CENPE: variants seen among roughly 807,000 people sequenced by gnomAD.
The protein encoded by CENPE is centromere protein E, also known as centromere-associated protein E.
CENPE carries 145 observed loss-of-function variants against 336.1 expected under a neutral mutation model. The ratio of observed to expected loss-of-function variants is 0.43; its 90% CI spans 0.38 to 0.50. CENPE has a LOEUF of 0.50. Among genes scored for constraint, CENPE ranks in the 20% least tolerant of loss-of-function variants. The pLI, the probability that CENPE is intolerant of heterozygous loss-of-function variation, is 0.00. For synonymous variants in CENPE, 1,013 were observed against 984.8 expected (o/e 1.03, Z -0.54); for missense variants, 2,719 against 3,023.3 (o/e 0.90, Z 2.36).
At chr4:103,197,629 G>C (rs1337439435) in intron 1 of CENPE, among the ~76,000 whole-genome samples, 2 of 152,234 alleles carry the variant, frequency 1.3e-5, no homozygotes, top group Non-Finnish European at 2.9e-5. Flanking sequence ...CCAGAAGCTA[G>C]TGAAGCAAAC....
At position 103,133,579 on chromosome 4, in the gene CENPE, T is replaced by C. The variant is rs551906903; in HGVS notation, c.6720+116A>G. On this transcript the variant is annotated intron_variant, in intron 41 of 48. Coordinates refer to ENST00000265148, the MANE Select transcript of CENPE (RefSeq NM_001813.3). Reference sequence around the variant, plus strand: ...CTTTATGTCTGGCCAGGTATCACTCTGCAACGTATTTTTAATTTCTGGTAA... The same window carrying C: ...CTTTATGTCTGGCCAGGTATCACTCCGCAACGTATTTTTAATTTCTGGTAA... 1,548 of 728,024 alleles carry C rather than the reference T, an allele frequency of 2.1e-3. 6 individuals carry two copies. Among genetic ancestry groups the C allele is most frequent in the Non-Finnish European group, 3.0e-3 (1,324 of 437,920 alleles). 45.1% of individuals were successfully genotyped at this position (728,024 alleles called of 1,614,324 possible).
chr4:103,188,830 T>G (rs888930666), intron 8 of CENPE, among the ~76,000 whole-genome samples: 16 of 152,056 alleles, frequency 1.1e-4, no homozygotes, highest in African/African-American at 3.9e-4. Context: ...CAAAAAACCC[T>G]TCAAAAAATC....
At chr4:103,184,727 T>A (rs114171695) in intron 9 of CENPE, among the ~76,000 whole-genome samples, 1,776 of 152,290 alleles carry the variant, frequency 0.012, 36 homozygotes, top group African/African-American at 0.041. Flanking sequence ...GGCATTATAA[T>A]ATGTTTTACT....
At chr4:103,159,569 T>C (rs1256161131) in intron 21 of CENPE, among the ~76,000 whole-genome samples, 5 of 151,858 alleles carry the variant, frequency 3.3e-5, no homozygotes, top group African/African-American at 9.7e-5. Context: ...GCATGGAAAA[T>C]AGTAAAGGCA....
At chr4:103,191,054 C>T (rs1757271719) in intron 8 of CENPE, among the ~76,000 whole-genome samples, 1 of 152,116 alleles carries the variant, frequency 6.6e-6, no homozygotes, top group Non-Finnish European at 1.5e-5. Context: ...AAATGCTCAT[C>T]ATCACTGGCC....
chr4:103,145,380 A>AAC (rs146614886), intron 31 of CENPE, 46 bp from the exon 32 acceptor site: 185 of 1,348,810 alleles, frequency 1.4e-4, no homozygotes, highest in African/African-American at 1.6e-4. Flanking sequence ...AAAATATGTA[A>AAC]ACACACACAC....
At position 103,114,052 on chromosome 4, in the gene CENPE, GT is replaced by G. The variant is rs1276413169; in HGVS notation, c.7540+402del. Among the ~76,000 whole-genome samples the G allele has an allele frequency of 3.9e-5, 6 of 152,110 alleles. No individual in the cohort carries two copies. In the East Asian group the frequency reaches 1.2e-3, roughly 29 times the overall value. The stretch of plus-strand genomic sequence containing the variant: ...TTTAGTTTCAAGAACAAACAGAATA[GT>G]ATTTATTTTTACTGTACACCAATTA... On this transcript the variant is annotated intron_variant, in intron 46 of 48. Transcript: ENST00000265148.
At chr4:103,181,210 A>C (rs1414098216) in intron 12 of CENPE, 127 bp downstream of exon 12, 5 of 540,952 alleles carry the variant, frequency 9.2e-6, no homozygotes, top group Non-Finnish European at 1.4e-5. Flanking sequence ...CTTCTTCTTT[A>C]AAAGTGATTA....
At chr4:103,147,146 C>A (rs1008991441) in intron 29 of CENPE, among the ~76,000 whole-genome samples, 2 of 151,994 alleles carry the variant, frequency 1.3e-5, no homozygotes, top group African/African-American at 4.8e-5. Context: ...GAAAACAGTT[C>A]TTTTCTCTGA....
intron 26 of CENPE, 93 bp downstream of exon 26, chr4:103,151,126 G>A: frequency 8.9e-7 from 1 of 1,117,388 alleles, no homozygotes; most frequent in Non-Finnish European, 1.3e-6. Context: ...GGAGGTATGT[G>A]CTATTTCTGG....
intron 9 of CENPE, 78 bp downstream of exon 9, chr4:103,185,732 A>G: frequency 1.2e-6 from 1 of 829,096 alleles, no homozygotes; most frequent in South Asian, 2.0e-5. Flanking sequence ...ATCAATTTCT[A>G]AAAATGCCTG....
chr4:103,154,655 T>C (rs1044297632), intron 24 of CENPE, among the ~76,000 whole-genome samples: 4 of 152,150 alleles, frequency 2.6e-5, no homozygotes, highest in Admixed American at 2.0e-4. Context: ...TCTGTAATGA[T>C]AGCCAAGGTT....
chr4:103,154,145 T>G (rs565631642), intron 24 of CENPE, among the ~76,000 whole-genome samples: 1 of 152,192 alleles, frequency 6.6e-6, no homozygotes, highest in Non-Finnish European at 1.5e-5. Context: ...ACACAGGTAT[T>G]TAAAAGTTTT....
chr4:103,122,727 ATAG>A, intron 43 of CENPE, 141 bp downstream of exon 43: 3 of 622,758 alleles, frequency 4.8e-6, no homozygotes, highest in Non-Finnish European at 5.8e-6. Flanking sequence ...AACGATAGCC[ATAG>A]TAGAACTACT....
Position 103,145,547 on chromosome 4 carries a change from T to C in CENPE, c.4548A>G (p.Ala1516=). 7 of 1,604,788 alleles carry C rather than the reference T, an allele frequency of 4.4e-6. No homozygotes were observed. The highest frequency in any genetic ancestry group is 5.9e-6 in the Non-Finnish European group (7 of 1,177,002). Reference sequence around the variant, plus strand: ...CCTTGTTCTGTAATTTATCATTGATTGCTTCTAACTGCTTTTGAATGGTTG... The same window carrying C: ...CCTTGTTCTGTAATTTATCATTGATCGCTTCTAACTGCTTTTGAATGGTTG... The part of the protein sequence containing the change: ...EISTIQKQLE[A]INDKLQNKIQ... The change falls in exon 31 of 49, where the codon GCA becomes GCG. Residue 1516 remains alanine (A), a synonymous_variant. Transcript: ENST00000265148.
intron 44 of CENPE, among the ~76,000 whole-genome samples, chr4:103,117,721 G>T (rs986518455): frequency 2.0e-5 from 3 of 149,614 alleles, no homozygotes; most frequent in African/African-American, 7.5e-5. Context: ...TTCGCCTCCC[G>T]GGTTCAAGCG....
intron 33 of CENPE, 113 bp from the exon 34 acceptor site, chr4:103,143,519 T>A (rs759812459): frequency 2.8e-6 from 2 of 701,790 alleles, no homozygotes; most frequent in Non-Finnish European, 4.9e-6. Context: ...GGCCTCCTAG[T>A]TCTCACCCTC....
intron 8 of CENPE, among the ~76,000 whole-genome samples, chr4:103,190,513 G>C (rs1757212429): frequency 6.6e-6 from 1 of 152,124 alleles, no homozygotes. Flanking sequence ...TCTGATCTTT[G>C]ACAAACCTGA....
At chr4:103,141,932 A>G in intron 34 of CENPE, 24 bp from the exon 35 acceptor site, 4 of 1,407,822 alleles carry the variant, frequency 2.8e-6, no homozygotes. Flanking sequence ...GAAATTTTAA[A>G]AACAGTGACA....
Sources: allele counts gnomAD v4.1 joint callset (sites outside exome capture counted in the v4.1 genomes callset), GRCh38; gene constraint gnomAD v4.1.1; transcripts MANE v1.5; gene names NCBI Gene and HGNC (gene_info 2026-07-23, HGNC 2026-07-21).